VAV3: variants seen among roughly 807,000 people sequenced by gnomAD.
VAV3 encodes the protein guanine nucleotide exchange factor VAV3.
Under a neutral mutation model 131.2 loss-of-function variants are expected in VAV3, and 94 were observed. The ratio of observed to expected loss-of-function variants is 0.72; its 90% CI spans 0.61 to 0.85. The LOEUF (loss-of-function observed/expected upper bound fraction) is 0.85. VAV3 is among the 40% of genes least tolerant of loss of function. The pLI is 0.00. For synonymous variants in VAV3, 349 were observed against 342.0 expected (o/e 1.02, Z -0.22); for missense variants, 939 against 1,002.7 (o/e 0.94, Z 0.86).
intron 1 of VAV3, among the ~76,000 whole-genome samples, chr1:107,905,080 T>C (rs372254289): frequency 6.6e-6 from 1 of 152,170 alleles, no homozygotes; most frequent in East Asian, 1.9e-4. Flanking sequence ...CAAGGTGGCT[T>C]GAGAAGTCAG....
intron 2 of VAV3, among the ~76,000 whole-genome samples, chr1:107,821,934 C>T (rs1270268202): frequency 6.6e-6 from 1 of 152,154 alleles, no homozygotes; most frequent in Non-Finnish European, 1.5e-5. Context: ...AAGTGTACTG[C>T]TTTGCTTTTG....
Position 107,799,486 on chromosome 1 carries a change from T to G in VAV3, c.322-19994A>C, listed in dbSNP as rs1211465401. Among the ~76,000 whole-genome samples the G allele has an allele frequency of 2.0e-5, 3 of 152,170 alleles. No homozygotes were observed. In the East Asian group the frequency reaches 5.8e-4, roughly 29 times the overall value. ...AAAAAGAAGGTGGGTGATTGTTGTC[T>G]GGCATAAATATAGAATAATATGTAA... is the stretch of plus-strand genomic sequence containing the variant. On this transcript the variant is annotated intron_variant, in intron 2 of 26. Transcript: ENST00000370056.
intron 12 of VAV3, 21 bp downstream of exon 12, chr1:107,755,406 G>C: frequency 1.9e-6 from 3 of 1,554,536 alleles, no homozygotes; most frequent in Non-Finnish European, 1.8e-6. Flanking sequence ...GGGGAAGCTG[G>C]ATGGAAAGAT....
intron 2 of VAV3, among the ~76,000 whole-genome samples, chr1:107,823,625 ACTGT>A (rs1307261325): frequency 6.6e-6 from 1 of 152,192 alleles, no homozygotes; most frequent in Non-Finnish European, 1.5e-5. Flanking sequence ...AAGTCACGAG[ACTGT>A]CTGTTAATGG....
intron 19 of VAV3, among the ~76,000 whole-genome samples, chr1:107,646,288 A>G (rs1655732232): frequency 6.6e-6 from 1 of 152,028 alleles, no homozygotes; most frequent in Non-Finnish European, 1.5e-5. Context: ...TAATCTCAGA[A>G]AGTTGCTTCT....
At chr1:107,664,955 T>C (rs894181413) in intron 19 of VAV3, among the ~76,000 whole-genome samples, 1 of 152,222 alleles carries the variant, frequency 6.6e-6, no homozygotes, top group Admixed American at 6.5e-5. Context: ...TGTGGAAAAT[T>C]ACCAGATCTC....
chr1:107,679,332 A>T (rs191130906), intron 19 of VAV3, among the ~76,000 whole-genome samples: 7 of 152,324 alleles, frequency 4.6e-5, no homozygotes, highest in Non-Finnish European at 1.0e-4. Context: ...AAGGACTCTT[A>T]TCAATTTAAT....
chr1:107,631,471 T>A (rs575709661), intron 20 of VAV3, among the ~76,000 whole-genome samples: 47 of 130,410 alleles, frequency 3.6e-4, no homozygotes, highest in Non-Finnish European at 5.3e-4. Context: ...TTCTCTTTTT[T>A]AATTTTATTT....
intron 2 of VAV3, among the ~76,000 whole-genome samples, chr1:107,836,994 G>A (rs142341952): frequency 1.3e-3 from 191 of 152,126 alleles, no homozygotes; most frequent in African/African-American, 4.2e-3. Context: ...ACTGGTACCA[G>A]TCCTGCTGAA....
At chr1:107,919,413 G>A (rs1376351155) in intron 1 of VAV3, among the ~76,000 whole-genome samples, 4 of 152,096 alleles carry the variant, frequency 2.6e-5, no homozygotes, top group Admixed American at 6.5e-5. Flanking sequence ...GATGGTTTAC[G>A]TTTTAGCCTA....
chr1:107,913,436 G>A (rs186324018), intron 1 of VAV3, among the ~76,000 whole-genome samples: 61 of 152,268 alleles, frequency 4.0e-4, no homozygotes, highest in African/African-American at 1.4e-3. Flanking sequence ...CACAGCAACA[G>A]CAATAAAAAC....
chr1:107,782,784 G>A (rs1665765535), intron 2 of VAV3, among the ~76,000 whole-genome samples: 1 of 152,200 alleles, frequency 6.6e-6, no homozygotes, highest in Admixed American at 6.5e-5. Flanking sequence ...ACAAACTAAT[G>A]CCAGATTCTT....
At chr1:107,656,101 T>C (rs866886972) in intron 19 of VAV3, among the ~76,000 whole-genome samples, 1 of 152,070 alleles carries the variant, frequency 6.6e-6, no homozygotes, top group Non-Finnish European at 1.5e-5. Context: ...CACTACTGGG[T>C]ATATAGCCAA....
intron 1 of VAV3, among the ~76,000 whole-genome samples, chr1:107,879,071 G>A (rs961534827): frequency 6.6e-6 from 1 of 151,516 alleles, no homozygotes; most frequent in Non-Finnish European, 1.5e-5. Flanking sequence ...TTGGCCACTG[G>A]GAGTCCCTTC....
chr1:107,890,013 C>T (rs535969680), intron 1 of VAV3, among the ~76,000 whole-genome samples: 6 of 151,724 alleles, frequency 4.0e-5, no homozygotes, highest in Admixed American at 2.6e-4. Flanking sequence ...GATTTTATTA[C>T]CTGAGAAACT....
intron 2 of VAV3, among the ~76,000 whole-genome samples, chr1:107,798,090 T>TA (rs1417501587): frequency 1.3e-5 from 2 of 152,294 alleles, no homozygotes; most frequent in Admixed American, 1.3e-4. Context: ...ATCTTGACTT[T>TA]AAAAAAATAA....
intron 22 of VAV3, among the ~76,000 whole-genome samples, chr1:107,605,485 T>C (rs922118118): frequency 7.2e-5 from 11 of 152,218 alleles, no homozygotes; most frequent in Admixed American, 5.9e-4. Context: ...CCCCTCGATT[T>C]TGGACTGCCC....
At chr1:107,815,924 C>A (rs1164908129) in intron 2 of VAV3, among the ~76,000 whole-genome samples, 1 of 152,134 alleles carries the variant, frequency 6.6e-6, no homozygotes, top group Non-Finnish European at 1.5e-5. Context: ...TGAAACTGTT[C>A]TACGTCAGAT....
At chr1:107,836,078 A>C (rs1056081004) in intron 2 of VAV3, among the ~76,000 whole-genome samples, 1 of 152,220 alleles carries the variant, frequency 6.6e-6, no homozygotes, top group African/African-American at 2.4e-5. Context: ...ACAAAATAAT[A>C]GTGAAAGATG....
Sources: allele counts gnomAD v4.1 joint callset (sites outside exome capture counted in the v4.1 genomes callset), GRCh38; gene constraint gnomAD v4.1.1; transcripts MANE v1.5; gene names NCBI Gene and HGNC (gene_info 2026-07-23, HGNC 2026-07-21).